The following CGGBP1 variants were observed in gnomAD, a reference collection of about 807,000 sequenced individuals.
CGGBP1 encodes the protein CGG triplet repeat binding protein 1.
A neutral mutation model predicts 11.4 loss-of-function variants in CGGBP1; 4 were observed. The ratio of observed to expected loss-of-function variants is 0.35; its 90% CI spans 0.17 to 0.80. CGGBP1 has a LOEUF of 0.80. Among genes scored for constraint, CGGBP1 ranks in the 30% least tolerant of loss-of-function variants. The probability of loss-of-function intolerance (pLI) is 0.52; values close to 1 mark genes in which losing one functional copy is unlikely to be tolerated. For synonymous variants in CGGBP1, 76 were observed against 74.1 expected (o/e 1.03, Z -0.13); for missense variants, 135 against 202.1 (o/e 0.67, Z 2.01).
intron 2 of CGGBP1, among the ~76,000 whole-genome samples, chr3:88,092,646 T>G (rs1321151655): frequency 6.6e-6 from 1 of 152,244 alleles, no homozygotes; most frequent in Non-Finnish European, 1.5e-5. Flanking sequence ...ACATCATGAC[T>G]TTAAATTTTT....
chr3:88,086,927 C>T (rs1159488236), intron 2 of CGGBP1, among the ~76,000 whole-genome samples: 16 of 152,152 alleles, frequency 1.1e-4, no homozygotes, highest in East Asian at 3.9e-4. Context: ...GGACTACAGG[C>T]GCCCGCCACC....
At chr3:88,083,941 TTATATA>T (rs78670676) in intron 2 of CGGBP1, among the ~76,000 whole-genome samples, 118,344 of 147,798 alleles carry the variant, frequency 0.8, 48,015 homozygotes, top group South Asian at 0.91. Context: ...TGTACTTATT[TTATATA>T]TATATATATA....
intron 1 of CGGBP1, among the ~76,000 whole-genome samples, chr3:88,147,780 C>A (rs1324849981): frequency 6.6e-6 from 1 of 152,168 alleles, no homozygotes; most frequent in Admixed American, 6.5e-5. Context: ...TGATTTTGCC[C>A]TGCAGGGGAC....
intron 2 of CGGBP1, chr3:88,135,508 C>G (rs1706721825): frequency 5.4e-6 from 1 of 183,910 alleles, no homozygotes; most frequent in African/African-American, 2.3e-5. Flanking sequence ...AACTAATTTG[C>G]AAATAAACTT....
At chr3:88,090,824 C>A (rs1708593298) in intron 2 of CGGBP1, among the ~76,000 whole-genome samples, 1 of 152,036 alleles carries the variant, frequency 6.6e-6, no homozygotes, top group Admixed American at 6.6e-5. Flanking sequence ...TTGGCCCATA[C>A]ATAAAATACA....
chr3:88,138,673 A>C (rs1490411983), intron 2 of CGGBP1: 9 of 1,205,736 alleles, frequency 7.5e-6, no homozygotes, highest in Non-Finnish European at 8.3e-6. Flanking sequence ...TTGGAAAAAA[A>C]GTATTTAGCA....
chr3:88,073,131 A>C (rs1707610293), intron 2 of CGGBP1, among the ~76,000 whole-genome samples: 1 of 130,982 alleles, frequency 7.6e-6, no homozygotes. Flanking sequence ...GTGGATCTCC[A>C]GACCAACAGT....
At chr3:88,132,229 T>A (rs1014307428) in intron 2 of CGGBP1, among the ~76,000 whole-genome samples, 2 of 152,016 alleles carry the variant, frequency 1.3e-5, no homozygotes, top group African/African-American at 4.8e-5. Context: ...AATAAATGGG[T>A]CAAGTTTGAA....
At chr3:88,126,342 G>GT in intron 2 of CGGBP1, 1 of 1,281,572 alleles carries the variant, frequency 7.8e-7, no homozygotes, top group South Asian at 2.6e-5. Flanking sequence ...AACTAGAGCA[G>GT]TAATAGTAAT....
chr3:88,114,600 C>A (rs1461391059), intron 2 of CGGBP1, among the ~76,000 whole-genome samples: 1 of 152,176 alleles, frequency 6.6e-6, no homozygotes, highest in African/African-American at 2.4e-5. Flanking sequence ...TTTTAAAAAT[C>A]TCTGCCATTT....
intron 2 of CGGBP1, among the ~76,000 whole-genome samples, chr3:88,131,207 G>T (rs1706439150): frequency 6.6e-6 from 1 of 152,146 alleles, no homozygotes; most frequent in Non-Finnish European, 1.5e-5. Context: ...ATTTGTCTAT[G>T]CAGACATATC....
intron 2 of CGGBP1, among the ~76,000 whole-genome samples, chr3:88,075,802 T>C (rs1488980567): frequency 2.6e-5 from 4 of 152,162 alleles, no homozygotes; most frequent in Non-Finnish European, 5.9e-5. Context: ...TCTTGTAGTG[T>C]CTTCCGTAAT....
chr3:88,118,520 TA>T (rs1285355985), intron 2 of CGGBP1, among the ~76,000 whole-genome samples: 1 of 152,112 alleles, frequency 6.6e-6, no homozygotes, highest in African/African-American at 2.4e-5. Flanking sequence ...TTATTATTTT[TA>T]GCTAAGATGA....
chr3:88,059,423 ACGGCAGAGGCGGCGCTGGCAG>A, upstream of CGGBP1: 2 of 1,526,488 alleles, frequency 1.3e-6, no homozygotes, highest in Non-Finnish European at 1.7e-6. Context: ...GCTGCGGGCG[ACGGCAGAGGCGGCGCTGGCAG>A]CGGCAACTGC....
intron 1 of CGGBP1, chr3:88,141,201 A>G (rs1364756491): frequency 5.9e-6 from 5 of 850,712 alleles, no homozygotes; most frequent in Non-Finnish European, 7.0e-6. Context: ...AATACATACA[A>G]CCACTATGAG....
At chr3:88,088,760 G>A (rs1322854417) in intron 2 of CGGBP1, among the ~76,000 whole-genome samples, 3 of 149,482 alleles carry the variant, frequency 2.0e-5, no homozygotes, top group African/African-American at 7.4e-5. Context: ...ATGTATGTAT[G>A]TATGGATGGA....
At chr3:88,132,721 C>T (rs1197499939) in intron 2 of CGGBP1, among the ~76,000 whole-genome samples, 1 of 152,202 alleles carries the variant, frequency 6.6e-6, no homozygotes, top group Non-Finnish European at 1.5e-5. Flanking sequence ...ATGCCAGACA[C>T]TTCACCTAGG....
intron 2 of CGGBP1, among the ~76,000 whole-genome samples, chr3:88,085,665 A>G (rs1447993567): frequency 6.6e-6 from 1 of 152,192 alleles, no homozygotes; most frequent in African/African-American, 2.4e-5. Context: ...ATGGTAAGGA[A>G]ACTAATGCAT....
intron 2 of CGGBP1, among the ~76,000 whole-genome samples, chr3:88,083,793 T>C (rs1367606958): frequency 6.6e-6 from 1 of 152,056 alleles, no homozygotes; most frequent in Admixed American, 6.6e-5. Flanking sequence ...GGCAACCTAC[T>C]AGAATACCAA....
Sources: gnomAD v4.1 joint callset for allele counts (sites outside exome capture counted in the v4.1 genomes callset) on GRCh38, gnomAD v4.1.1 for gene constraint, MANE v1.5 for transcripts, NCBI Gene and HGNC (gene_info 2026-07-23, HGNC 2026-07-21) for gene names.